RIN2: variants seen among roughly 807,000 people sequenced by gnomAD.
RIN2 encodes the protein RAB5 interacting protein 2.
Under a neutral mutation model 78.0 loss-of-function variants are expected in RIN2, and 36 were observed. The ratio of observed to expected loss-of-function variants is 0.46; its 90% CI spans 0.35 to 0.61. RIN2 has a LOEUF of 0.61. Among genes scored for constraint, RIN2 ranks in the 20% least tolerant of loss-of-function variants. The pLI, the probability that RIN2 is intolerant of heterozygous loss-of-function variation, is 0.00. For missense variants in RIN2, 1,087 were observed against 1,159.7 expected, an observed-to-expected ratio of 0.94 and a Z score of 0.91; for synonymous variants, 466 against 466.8, an observed-to-expected ratio of 1.00 and a Z score of 0.02.
In RIN2 at chr20:19,956,618, G is replaced by A; in HGVS notation, c.162G>A (p.Met54Ile). The A allele has an allele frequency of 6.2e-7, 1 of 1,613,012 alleles. No homozygotes were observed. The highest frequency in any genetic ancestry group is 8.5e-7 in the Non-Finnish European group (1 of 1,179,496). Residue 54 changes from methionine (M) to isoleucine (I), a missense_variant, in exon 5 of 13, where the codon ATG (methionine) becomes ATA (isoleucine). Met to Ile is a conservative substitution (Grantham distance 10). This residue lies in a region of RIN2 where 706 missense variants were observed against 667.5 expected (regional missense o/e 1.06). Transcript: ENST00000255006. ...NGLEPAETHS[M>I]VRHKDGGYSE... is the part of the protein sequence containing the mutation. ...GTGCCGCTTCTCTTTCTCCTAGCAT[G>A]GTAAGACACAAGGATGGTGGCTATT...
rs529070081 is a variant in RIN2, at chr20:19,900,881, C to T, written c.57+11223C>T. Among the ~76,000 whole-genome samples, 20 of 126,678 alleles carry T rather than the reference C, an allele frequency of 1.6e-4. No individual in the cohort carries two copies. In the East Asian group the frequency reaches 4.3e-3, roughly 28 times the overall value. The allele number at this position is 126,678 out of a possible 152,430, so 83.1% of individuals were successfully genotyped here. On this transcript the variant is annotated intron_variant, in intron 3 of 12. Transcript: ENST00000255006. ...AGGAGAATCGCTTGAACCCGGGAGG[C>T]GGAGGTTGCAGTGAGCCGAGATCAC...
intron 2 of RIN2, among the ~76,000 whole-genome samples, chr20:19,844,698 C>CTCTTCTTCTTCTTCTTCTTCT (rs869169793): frequency 2.5e-3 from 65 of 26,354 alleles, no homozygotes; most frequent in African/African-American, 7.1e-3. Flanking sequence ...CTTCCTCTTC[C>CTCTTCTTCTTCTTCTTCTTCT]TCTTCTTCTT....
chr20:19,933,578 C>A (rs11696547), intron 3 of RIN2, among the ~76,000 whole-genome samples: 13,874 of 152,180 alleles, frequency 0.091, 793 homozygotes, highest in East Asian at 0.24. Context: ...CTCAGCTCCA[C>A]TCCCCATTTG....
Position 19,788,432 on chromosome 20 carries a change from C to CAAAAAAAAAAAAAAAAA in RIN2, c.-162-11189_-162-11173dup, listed in dbSNP as rs1224663738. The stretch of plus-strand genomic sequence containing the variant: ...CAACATGGCGAAATCCTGTCTCTGC[C>CAAAAAAAAAAAAAAAAA]AAAAAAAAAAAAAAAAACAACTAGC... On this transcript the variant is annotated intron_variant, in intron 1 of 12. Transcript: ENST00000255006. 1.3e-3 allele frequency among the ~76,000 whole-genome samples: 72 copies of CAAAAAAAAAAAAAAAAA among 53,710 alleles called. 4 individuals are homozygous for CAAAAAAAAAAAAAAAAA. Among genetic ancestry groups the CAAAAAAAAAAAAAAAAA allele is most frequent in the Middle Eastern group, 9.3e-3 (1 of 108 alleles). The allele number at this position is 53,710 out of a possible 152,430, so 35.2% of individuals were successfully genotyped here.
chr20:19,801,196 T>C (rs1454504832), intron 2 of RIN2, among the ~76,000 whole-genome samples: 1 of 152,240 alleles, frequency 6.6e-6, no homozygotes, highest in Admixed American at 6.5e-5. Context: ...CTACCTTCCC[T>C]CCATGAATTT....
intron 4 of RIN2, among the ~76,000 whole-genome samples, chr20:19,942,996 C>A (rs954542294): frequency 1.3e-5 from 2 of 152,218 alleles, no homozygotes; most frequent in African/African-American, 4.8e-5. Context: ...GGAAATAACA[C>A]CAGTGTAACC....
chr20:19,833,820 A>G (rs1362195979), intron 2 of RIN2, among the ~76,000 whole-genome samples: 3 of 152,124 alleles, frequency 2.0e-5, no homozygotes, highest in Non-Finnish European at 4.4e-5. Flanking sequence ...CAGGGGTGCA[A>G]AAGTGCAGTC....
chr20:19,887,083 T>C (rs974928558), intron 2 of RIN2, among the ~76,000 whole-genome samples: 1 of 151,826 alleles, frequency 6.6e-6, no homozygotes, highest in African/African-American at 2.4e-5. Context: ...CAAAGTGCAG[T>C]GGTGCGATCA....
intron 2 of RIN2, among the ~76,000 whole-genome samples, chr20:19,827,667 T>C (rs1263353897): frequency 1.3e-5 from 2 of 152,226 alleles, no homozygotes; most frequent in Non-Finnish European, 2.9e-5. Context: ...TACGCCCTTA[T>C]GACCGCCAAA....
intron 3 of RIN2, among the ~76,000 whole-genome samples, chr20:19,896,860 G>T (rs752334224): frequency 6.3e-4 from 96 of 152,098 alleles, no homozygotes; most frequent in Admixed American, 2.6e-3. Context: ...AAAACAAGTG[G>T]AATTAATGTT....
intron 2 of RIN2, among the ~76,000 whole-genome samples, chr20:19,816,931 A>G (rs2035783739): frequency 6.6e-6 from 1 of 152,210 alleles, no homozygotes; most frequent in Non-Finnish European, 1.5e-5. Context: ...ATTTATCATA[A>G]TATACTGTGT....
At chr20:19,897,832 C>A (rs2038804844) in intron 3 of RIN2, among the ~76,000 whole-genome samples, 2 of 152,102 alleles carry the variant, frequency 1.3e-5, no homozygotes, top group South Asian at 4.1e-4. Flanking sequence ...CCCCATCAGC[C>A]TCCCAAGTAG....
intron 2 of RIN2, among the ~76,000 whole-genome samples, chr20:19,861,278 A>G (rs1186294524): frequency 1.3e-5 from 2 of 152,160 alleles, no homozygotes; most frequent in African/African-American, 4.8e-5. Context: ...TCCAACCTCT[A>G]GAGAAAATTG....
chr20:19,826,298 T>C (rs781017307), intron 2 of RIN2, among the ~76,000 whole-genome samples: 2 of 152,216 alleles, frequency 1.3e-5, no homozygotes, highest in African/African-American at 2.4e-5. Context: ...AATCATTTAT[T>C]ATATTACACA....
chr20:19,935,819 T>G (rs2040617002), intron 4 of RIN2, among the ~76,000 whole-genome samples: 5 of 140,370 alleles, frequency 3.6e-5, no homozygotes, highest in African/African-American at 7.9e-5. Flanking sequence ...GGTCGGGGGG[T>G]GGTGGGAAGT....
intron 9 of RIN2, among the ~76,000 whole-genome samples, chr20:19,986,013 G>C (rs936432415): frequency 1.3e-5 from 2 of 152,190 alleles, no homozygotes; most frequent in Non-Finnish European, 2.9e-5. Flanking sequence ...GGCTAGAATA[G>C]TGTCATTGTT....
At chr20:19,889,696 C>T (rs1011309952) in intron 3 of RIN2, 38 bp downstream of exon 3, 4 of 1,418,344 alleles carry the variant, frequency 2.8e-6, no homozygotes, top group African/African-American at 2.9e-5. Flanking sequence ...AACTCGTCGG[C>T]TTGCTGCCTG....
chr20:19,909,114 T>G (rs2039350952), intron 3 of RIN2, among the ~76,000 whole-genome samples: 1 of 152,206 alleles, frequency 6.6e-6, no homozygotes, highest in Admixed American at 6.5e-5. Context: ...TCCACCCACC[T>G]GGGCCTCCCA....
chr20:19,790,620 C>A (rs1334024617), intron 1 of RIN2, among the ~76,000 whole-genome samples: 1 of 152,066 alleles, frequency 6.6e-6, no homozygotes, highest in Non-Finnish European at 1.5e-5. Flanking sequence ...CATAGGGTTA[C>A]CCCAGCAGTA....
Sources: allele counts gnomAD v4.1 joint callset (sites outside exome capture counted in the v4.1 genomes callset), GRCh38; gene constraint gnomAD v4.1.1; regional missense constraint gnomAD v4.1.1; transcripts MANE v1.5; gene names NCBI Gene and HGNC (gene_info 2026-07-23, HGNC 2026-07-21).